The following ZNF385B variants were observed in gnomAD, a reference collection of about 807,000 sequenced individuals.
The protein encoded by ZNF385B is zinc finger protein 533.
In ZNF385B, 23 loss-of-function variants were observed where a neutral mutation model predicts 39.2. The ratio of observed to expected loss-of-function variants is 0.59; its 90% CI spans 0.42 to 0.83. The LOEUF is 0.83. ZNF385B is among the 40% of genes least tolerant of loss of function. The probability of loss-of-function intolerance (pLI) is 0.00; values close to 1 mark genes in which losing one functional copy is unlikely to be tolerated. For missense variants in ZNF385B, 552 were observed against 598.9 expected (o/e 0.92, Z 0.82); for synonymous variants, 205 against 222.6 (o/e 0.92, Z 0.70).
At chr2:179,773,888 C>T (rs1376485896) in intron 1 of ZNF385B, among the ~76,000 whole-genome samples, 1 of 152,180 alleles carries the variant, frequency 6.6e-6, no homozygotes, top group South Asian at 2.1e-4. Flanking sequence ...TCCTCAGCAT[C>T]TAAGATTGTG....
At chr2:179,688,475 C>A (rs574536251) in intron 3 of ZNF385B, among the ~76,000 whole-genome samples, 1 of 142,266 alleles carries the variant, frequency 7.0e-6, no homozygotes, top group Non-Finnish European at 1.5e-5. Context: ...CACAACCCCA[C>A]CCTGTCCCCC....
At chr2:179,758,407 G>C (rs1227021362) in intron 3 of ZNF385B, among the ~76,000 whole-genome samples, 1 of 152,108 alleles carries the variant, frequency 6.6e-6, no homozygotes, top group Admixed American at 6.5e-5. Flanking sequence ...TCCTCAACTT[G>C]GTCAAAAAGC....
chr2:179,562,625 G>C, intron 3 of ZNF385B: 1 of 981,186 alleles, frequency 1.0e-6, no homozygotes, highest in Non-Finnish European at 1.2e-6. Flanking sequence ...TCCAGGGAGA[G>C]GGCAGAAAAC....
intron 3 of ZNF385B, among the ~76,000 whole-genome samples, chr2:179,685,178 A>G (rs1015442677): frequency 5.3e-5 from 8 of 152,342 alleles, no homozygotes; most frequent in African/African-American, 1.9e-4. Context: ...AAGTGGCTGA[A>G]TTAAATTTTC....
At chr2:179,723,806 T>G (rs935379105) in intron 3 of ZNF385B, among the ~76,000 whole-genome samples, 1 of 152,146 alleles carries the variant, frequency 6.6e-6, no homozygotes, top group South Asian at 2.1e-4. Context: ...TCTGAAAATA[T>G]TATATATTTT....
intron 3 of ZNF385B, among the ~76,000 whole-genome samples, chr2:179,757,611 C>G (rs1703123578): frequency 6.6e-6 from 1 of 152,198 alleles, no homozygotes; most frequent in South Asian, 2.1e-4. Flanking sequence ...GGGCTCCACC[C>G]AGTTCAAGCT....
chr2:179,628,085 A>G (rs1217891024), intron 3 of ZNF385B, among the ~76,000 whole-genome samples: 6 of 152,094 alleles, frequency 3.9e-5, no homozygotes, highest in Admixed American at 3.9e-4. Flanking sequence ...CTCAGACATT[A>G]TATCATTTTA....
chr2:179,667,513 T>C (rs1575150959), intron 3 of ZNF385B, among the ~76,000 whole-genome samples: 1 of 152,132 alleles, frequency 6.6e-6, no homozygotes, highest in African/African-American at 2.4e-5. Flanking sequence ...CATGACTCTA[T>C]CCCATTCCAG....
chr2:179,792,742 T>C (rs1036773013), intron 1 of ZNF385B, among the ~76,000 whole-genome samples: 37 of 152,128 alleles, frequency 2.4e-4, no homozygotes, highest in Non-Finnish European at 4.6e-4. Flanking sequence ...AAAAACCTAA[T>C]GCAGTTAGTA....
intron 3 of ZNF385B, among the ~76,000 whole-genome samples, chr2:179,587,352 T>C (rs1051203249): frequency 1.3e-5 from 2 of 152,224 alleles, no homozygotes; most frequent in African/African-American, 4.8e-5. Context: ...ATAAACTCTC[T>C]AGGACTTCCC....
At chr2:179,523,606 G>C (rs899865938) in intron 4 of ZNF385B, among the ~76,000 whole-genome samples, 1 of 152,006 alleles carries the variant, frequency 6.6e-6, no homozygotes, top group Non-Finnish European at 1.5e-5. Flanking sequence ...TTTAGGCAGA[G>C]AAAATAGAAT....
intron 3 of ZNF385B, among the ~76,000 whole-genome samples, chr2:179,632,928 T>C (rs963146584): frequency 5.3e-5 from 8 of 152,172 alleles, no homozygotes; most frequent in African/African-American, 1.9e-4. Context: ...TAAACACCTA[T>C]ATGCAAATAA....
chr2:179,449,112 A>G (rs1455749533), intron 6 of ZNF385B, among the ~76,000 whole-genome samples: 1 of 152,170 alleles, frequency 6.6e-6, no homozygotes, highest in Non-Finnish European at 1.5e-5. Flanking sequence ...TAAAGAGAAT[A>G]GTAAATAAAG....
At chr2:179,455,699 C>G (rs1489887748) in intron 6 of ZNF385B, among the ~76,000 whole-genome samples, 1 of 151,460 alleles carries the variant, frequency 6.6e-6, no homozygotes, top group Non-Finnish European at 1.5e-5. Flanking sequence ...ACCAGCCTGG[C>G]CAACATGATG....
intron 6 of ZNF385B, among the ~76,000 whole-genome samples, chr2:179,474,417 G>A (rs1008680979): frequency 6.6e-6 from 1 of 152,064 alleles, no homozygotes; most frequent in Non-Finnish European, 1.5e-5. Flanking sequence ...TAATTAGTAT[G>A]TTACTTAACA....
chr2:179,826,568 G>A (rs2106590664), intron 1 of ZNF385B, among the ~76,000 whole-genome samples: 1 of 152,190 alleles, frequency 6.6e-6, no homozygotes, highest in East Asian at 1.9e-4. Flanking sequence ...AAACTATGCA[G>A]CACTCTCCCT....
intron 3 of ZNF385B, among the ~76,000 whole-genome samples, chr2:179,733,880 G>A (rs1701566235): frequency 6.6e-6 from 1 of 151,108 alleles, no homozygotes; most frequent in Admixed American, 6.6e-5. Flanking sequence ...ATTCTACCTT[G>A]AACCCATTCC....
intron 1 of ZNF385B, among the ~76,000 whole-genome samples, chr2:179,777,984 T>A (rs1388072569): frequency 6.6e-6 from 1 of 152,106 alleles, no homozygotes; most frequent in Non-Finnish European, 1.5e-5. Context: ...TTGTCTGGGC[T>A]GGTCTCAAAC....
intron 3 of ZNF385B, among the ~76,000 whole-genome samples, chr2:179,739,073 T>G (rs1406396255): frequency 2.6e-5 from 4 of 152,232 alleles, no homozygotes; most frequent in African/African-American, 9.6e-5. Context: ...CTGAGCTAGC[T>G]AGATTACTTT....
Sources: gnomAD v4.1 joint callset for allele counts (sites outside exome capture counted in the v4.1 genomes callset) on GRCh38, gnomAD v4.1.1 for gene constraint, MANE v1.5 for transcripts, NCBI Gene and HGNC (gene_info 2026-07-23, HGNC 2026-07-21) for gene names.